REDIC1: variants seen among roughly 807,000 people sequenced by gnomAD.
The protein encoded by REDIC1 is regulator of DNA class I crossover intermediates 1, also known as HEI10 Interacting Protein 1.
At chr12:39,711,497 G>A in the REDIC1 span, among the ~76,000 whole-genome samples, 1 of 139,920 alleles carries the variant, frequency 7.1e-6, no homozygotes, top group East Asian at 2.1e-4. Context: ...ATGTATATAA[G>A]TATGTATATA....
chr12:39,643,919 T>G, the REDIC1 span: 5 of 1,539,090 alleles, frequency 3.2e-6, no homozygotes, highest in Non-Finnish European at 4.4e-6. Context: ...AAATTCCTGG[T>G]AAGTCATTCC....
At chr12:39,780,535 G>T in the REDIC1 span, among the ~76,000 whole-genome samples, 1 of 152,160 alleles carries the variant, frequency 6.6e-6, no homozygotes, top group Admixed American at 6.6e-5. Flanking sequence ...GCAGGTCTGC[G>T]CCTCTGTGTC....
the REDIC1 span, among the ~76,000 whole-genome samples, chr12:39,641,838 T>C: frequency 6.6e-6 from 1 of 151,758 alleles, no homozygotes; most frequent in African/African-American, 2.4e-5. Context: ...CTCTGGATTC[T>C]TTTCCTTCCC....
chr12:39,798,726 G>C, the REDIC1 span, among the ~76,000 whole-genome samples: 2 of 151,990 alleles, frequency 1.3e-5, no homozygotes, highest in African/African-American at 4.8e-5. Flanking sequence ...AACCTTCTGG[G>C]ACATTTCTCA....
the REDIC1 span, among the ~76,000 whole-genome samples, chr12:39,696,050 G>T: frequency 6.6e-6 from 1 of 152,134 alleles, no homozygotes; most frequent in Non-Finnish European, 1.5e-5. Flanking sequence ...CTGGGCCTGG[G>T]GTGCCCCTAT....
the REDIC1 span, among the ~76,000 whole-genome samples, chr12:39,845,797 T>C: frequency 6.6e-6 from 1 of 152,064 alleles, no homozygotes; most frequent in South Asian, 2.1e-4. Context: ...ATGAAACCAA[T>C]AGGAATTAGG....
At chr12:39,649,181 A>C in the REDIC1 span, among the ~76,000 whole-genome samples, 2 of 151,924 alleles carry the variant, frequency 1.3e-5, no homozygotes, top group South Asian at 2.1e-4. Context: ...TTTTATGCTT[A>C]ACATGGTAAA....
the REDIC1 span, among the ~76,000 whole-genome samples, chr12:39,857,789 C>T: frequency 6.6e-5 from 10 of 152,110 alleles, no homozygotes; most frequent in African/African-American, 2.2e-4. Context: ...TCGTTATGAC[C>T]CAGTCTTGTT....
the REDIC1 span, among the ~76,000 whole-genome samples, chr12:39,637,508 G>A: frequency 3.9e-5 from 6 of 152,042 alleles, no homozygotes; most frequent in African/African-American, 1.4e-4. Flanking sequence ...TAGTACATAA[G>A]TCGAAGAATG....
At chr12:39,668,952 C>T in the REDIC1 span, among the ~76,000 whole-genome samples, 110,432 of 150,634 alleles carry the variant, frequency 0.73, 41,858 homozygotes, top group Non-Finnish European at 0.84. Flanking sequence ...GTTGGCCATT[C>T]GTCTAATTTT....
chr12:39,896,112 G>T, the REDIC1 span, among the ~76,000 whole-genome samples: 1 of 139,534 alleles, frequency 7.2e-6, no homozygotes, highest in East Asian at 2.1e-4. Context: ...ATACATATAT[G>T]AATGCATACA....
the REDIC1 span, among the ~76,000 whole-genome samples, chr12:39,776,144 T>TA: frequency 6.6e-6 from 1 of 152,208 alleles, no homozygotes; most frequent in Admixed American, 6.5e-5. Flanking sequence ...AGTCAGGCAT[T>TA]ACAGTTATTA....
the REDIC1 span, among the ~76,000 whole-genome samples, chr12:39,656,833 A>G: frequency 2.0e-5 from 3 of 152,216 alleles, no homozygotes; most frequent in Non-Finnish European, 4.4e-5. Flanking sequence ...AAAAAAATTT[A>G]AAAATAGAAA....
the REDIC1 span, among the ~76,000 whole-genome samples, chr12:39,711,721 GCACATGCATGTGTGTATGTGTGTATA>G: frequency 4.7e-5 from 5 of 105,734 alleles, no homozygotes; most frequent in Non-Finnish European, 9.5e-5. Context: ...GCATGTGTAT[GCACATGCATGTGTGTATGTGTGTATA>G]CACATGCATG....
chr12:39,748,224 G>A, the REDIC1 span, among the ~76,000 whole-genome samples: 3 of 152,228 alleles, frequency 2.0e-5, no homozygotes, highest in South Asian at 4.1e-4. Context: ...AAGGGATGGA[G>A]GAAGATCTAC....
chr12:39,768,918 T>C, the REDIC1 span, among the ~76,000 whole-genome samples: 11 of 152,094 alleles, frequency 7.2e-5, no homozygotes, highest in South Asian at 2.1e-4. Flanking sequence ...AGTGCAATGA[T>C]GGCAAACACA....
the REDIC1 span, among the ~76,000 whole-genome samples, chr12:39,653,008 C>CT: frequency 6.6e-6 from 1 of 151,804 alleles, no homozygotes; most frequent in Non-Finnish European, 1.5e-5. Context: ...CTTCTTAATC[C>CT]TTTGCAATTC....
the REDIC1 span, among the ~76,000 whole-genome samples, chr12:39,874,698 T>C: frequency 6.6e-6 from 1 of 151,828 alleles, no homozygotes; most frequent in Non-Finnish European, 1.5e-5. Flanking sequence ...TGGAGGGGAC[T>C]TGAATGTAAT....
the REDIC1 span, among the ~76,000 whole-genome samples, chr12:39,664,619 T>G: frequency 6.6e-6 from 1 of 152,214 alleles, no homozygotes; most frequent in African/African-American, 2.4e-5. Flanking sequence ...TCAAATGGTA[T>G]TTCTAGTTCT....
Sources: allele counts gnomAD v4.1 joint callset (sites outside exome capture counted in the v4.1 genomes callset), GRCh38; gene constraint gnomAD v4.1.1; transcripts MANE v1.5; gene names NCBI Gene and HGNC (gene_info 2026-07-23, HGNC 2026-07-21).